Variants in UNC80 observed in about 807,000 individuals in gnomAD.
UNC80 encodes unc-80 subunit of NALCN channel complex.
Under a neutral mutation model 384.6 loss-of-function variants are expected in UNC80, and 164 were observed. That is an observed-to-expected ratio of 0.43 (90% CI 0.38 to 0.49). UNC80 has a LOEUF of 0.49. Ranked by LOEUF, UNC80 falls within the 20% of genes least tolerant of loss-of-function variation. UNC80 has a pLI of 0.00. For missense variants in UNC80, 3,330 were observed against 4,143.0 expected, an observed-to-expected ratio of 0.80 and a Z score of 5.39; for synonymous variants, 1,486 against 1,527.8, an observed-to-expected ratio of 0.97 and a Z score of 0.64.
At chr2:209,972,119 GTCTCCATCATACT>G (rs2125013067) in intron 54 of UNC80, 69 bp from the exon 55 acceptor site, 1 of 1,472,380 alleles carries the variant, frequency 6.8e-7, no homozygotes, top group East Asian at 2.6e-5. Flanking sequence ...GGGAGTCACC[GTCTCCATCATACT>G]GTGTAAAAAC....
At chr2:209,831,347 A>T in intron 15 of UNC80, 96 bp from the exon 16 acceptor site, 1 of 1,272,494 alleles carries the variant, frequency 7.9e-7, no homozygotes, top group Non-Finnish European at 1.1e-6. Context: ...TTCACATAGC[A>T]CTTCACTAAT....
At chr2:209,808,888 T>C in intron 7 of UNC80, 1 of 283,730 alleles carries the variant, frequency 3.5e-6, no homozygotes, top group Non-Finnish European at 6.7e-6. Flanking sequence ...GAATCCAGAG[T>C]TTACCTTCCA....
intron 23 of UNC80, among the ~76,000 whole-genome samples, chr2:209,875,819 C>T (rs2084728882): frequency 6.6e-6 from 1 of 152,134 alleles, no homozygotes; most frequent in South Asian, 2.1e-4. Flanking sequence ...AACTTTGAGA[C>T]CTTCTGTGAG....
Position 209,941,316 on chromosome 2 carries a change from T to C in UNC80, c.6742T>C (p.Trp2248Arg), listed in dbSNP as rs1269597374. ...CCTGGGCATGCCGAGCGAGTTTCCA[T>C]GGGGAGACGAAATCATGCTTTTCCT... ...MFLGMPSEFP[W>R]GDEIMLFLNV... Residue 2248 changes from tryptophan (W) to arginine (R), a missense_variant, in exon 44 of 65, where the codon TGG becomes CGG. By Grantham distance (101) the Trp-to-Arg change is moderately radical (BLOSUM62 -3). Transcript: ENST00000673920. 1.6e-5 allele frequency: 25 copies of C among 1,550,664 alleles called. No individual in the cohort carries two copies. Among genetic ancestry groups the C allele is most frequent in the Non-Finnish European group, 1.0e-5 (12 of 1,146,244 alleles).
chr2:209,883,109 T>A (rs1216907756), intron 25 of UNC80, among the ~76,000 whole-genome samples: 1 of 152,186 alleles, frequency 6.6e-6, no homozygotes, highest in Non-Finnish European at 1.5e-5. Context: ...GGAAAGGACC[T>A]TTTTCTCACA....
chr2:209,948,429 G>A (rs1458565557), intron 47 of UNC80, among the ~76,000 whole-genome samples: 4 of 152,068 alleles, frequency 2.6e-5, no homozygotes, highest in African/African-American at 9.7e-5. Flanking sequence ...AAATTAAAAG[G>A]TTTGGAAGCT....
At chr2:209,953,690 T>C in intron 47 of UNC80, among the ~76,000 whole-genome samples, 1 of 152,234 alleles carries the variant, frequency 6.6e-6, no homozygotes, top group East Asian at 1.9e-4. Context: ...CAGCCTCCCA[T>C]GAAAGGGTTT....
At position 209,913,776 on chromosome 2, in the gene UNC80, A is replaced by G. The variant is rs116507717; in HGVS notation, c.4891-26A>G. The G allele has an allele frequency of 4.7e-3, 7,257 of 1,533,290 alleles. 25 individuals carry two copies. Among genetic ancestry groups the G allele is most frequent in the Non-Finnish European group, 5.9e-3 (6,725 of 1,133,494 alleles). The allele number at this position is 1,533,290 out of a possible 1,614,324, so 95.0% of individuals were successfully genotyped here. A position where few individuals can be genotyped will look rare whatever the true frequency, so the allele number is the denominator to read the frequency against. On this transcript the variant is annotated intron_variant, in intron 30 of 64. Transcript: ENST00000673920. Reference sequence around the variant, plus strand: ...AGTATTCACTGTCTTAAAAGATTTTAAAACATGATTTCCATCTTTTCCCAG... The same window carrying G: ...AGTATTCACTGTCTTAAAAGATTTTGAAACATGATTTCCATCTTTTCCCAG...
chr2:209,901,830 G>A (rs926604408), intron 28 of UNC80, among the ~76,000 whole-genome samples: 14 of 152,062 alleles, frequency 9.2e-5, no homozygotes, highest in Middle Eastern at 3.4e-3. Context: ...TCGAGAGGCC[G>A]AGGCAGGAGA....
chr2:209,970,137 C>T, intron 53 of UNC80: 1 of 460,202 alleles, frequency 2.2e-6, no homozygotes, highest in Non-Finnish European at 3.8e-6. Context: ...GACAATTCAC[C>T]TCTTCAAGTT....
intron 4 of UNC80, 100 bp from the exon 5 acceptor site, chr2:209,785,966 A>C (rs952900266): frequency 7.4e-7 from 1 of 1,349,456 alleles, no homozygotes; most frequent in Non-Finnish European, 1.0e-6. Flanking sequence ...ATTCACTCTG[A>C]AAATAACCTT....
chr2:209,784,713 G>A (rs2077330914), intron 4 of UNC80, among the ~76,000 whole-genome samples: 1 of 152,132 alleles, frequency 6.6e-6, no homozygotes, highest in Non-Finnish European at 1.5e-5. Context: ...TCTGCACTAC[G>A]AACAGAGATT....
chr2:209,852,961 G>C (rs182042559), intron 22 of UNC80, among the ~76,000 whole-genome samples: 4 of 152,142 alleles, frequency 2.6e-5, no homozygotes, highest in Non-Finnish European at 5.9e-5. Context: ...AAACATAGAT[G>C]TAGATATGTT....
chr2:209,887,527 C>A (rs1178152001), intron 25 of UNC80, among the ~76,000 whole-genome samples: 1 of 152,164 alleles, frequency 6.6e-6, no homozygotes, highest in Non-Finnish European at 1.5e-5. Flanking sequence ...ATCCTTGTTG[C>A]CATGTAAGGC....
intron 51 of UNC80, among the ~76,000 whole-genome samples, chr2:209,963,294 C>G (rs1483037919): frequency 6.6e-6 from 1 of 152,028 alleles, no homozygotes; most frequent in East Asian, 1.9e-4. Context: ...TTCCTCTCTC[C>G]CTCACCCTCT....
intron 23 of UNC80, among the ~76,000 whole-genome samples, chr2:209,873,726 A>G (rs1359016230): frequency 1.3e-5 from 2 of 152,194 alleles, no homozygotes; most frequent in East Asian, 3.8e-4. Flanking sequence ...CTTAAAGATT[A>G]CTTGGAATAA....
At chr2:209,856,523 T>A (rs2082932068) in intron 22 of UNC80, among the ~76,000 whole-genome samples, 1 of 152,044 alleles carries the variant, frequency 6.6e-6, no homozygotes, top group Non-Finnish European at 1.5e-5. Context: ...CATTCTTATA[T>A]TTTTCTCTAA....
chr2:209,982,548 A>G (rs1264093009), intron 60 of UNC80: 3 of 396,726 alleles, frequency 7.6e-6, no homozygotes, highest in Non-Finnish European at 1.3e-5. Flanking sequence ...TCTCTCCTTA[A>G]AAATTTTCCA....
chr2:209,904,245 G>A (rs778546353), intron 28 of UNC80, among the ~76,000 whole-genome samples: 3 of 152,184 alleles, frequency 2.0e-5, no homozygotes, highest in Non-Finnish European at 2.9e-5. Flanking sequence ...AAATGAAACT[G>A]TACAGTAAGG....
Sources: gnomAD v4.1 joint callset for allele counts (sites outside exome capture counted in the v4.1 genomes callset) on GRCh38, gnomAD v4.1.1 for gene constraint, MANE v1.5 for transcripts, NCBI Gene and HGNC (gene_info 2026-07-23, HGNC 2026-07-21) for gene names.